Variants in TST observed in about 807,000 individuals in gnomAD.
TST encodes thiosulfate sulfurtransferase, also known as epididymis secretory sperm binding protein.
TST carries 22 observed loss-of-function variants against 20.4 expected under a neutral mutation model. The observed-to-expected ratio is 1.08, with a 90% CI of 0.77 to 1.54. The LOEUF (loss-of-function observed/expected upper bound fraction) is 1.54, where lower values mean the gene tolerates loss of function less well. TST is among the 40% of genes most tolerant of loss of function. The pLI is 0.00. For missense variants in TST, 392 were observed against 405.2 expected (o/e 0.97, Z 0.28); for synonymous variants, 187 against 173.8 (o/e 1.08, Z -0.60).
At chr22:37,013,643 G>A (rs1290884367) in intron 2 of TST, among the ~76,000 whole-genome samples, 2 of 152,100 alleles carry the variant, frequency 1.3e-5, no homozygotes, top group African/African-American at 2.4e-5. Flanking sequence ...TGCATATAAC[G>A]TATAAAATTA....
Position 37,018,570 on chromosome 22 carries a change from C to G in TST, c.163G>C (p.Gly55Arg). 1.3e-6 allele frequency: 2 copies of G among 1,564,080 alleles called. No homozygotes were observed. The highest frequency in any genetic ancestry group is 1.7e-6 in the Non-Finnish European group (2 of 1,154,386). The change falls in exon 2 of 3, where the codon GGC becomes CGC. Residue 55 changes from glycine (G) to arginine (R), a missense_variant. By Grantham distance (125) the Gly-to-Arg change is moderately radical (BLOSUM62 -2). Transcript: ENST00000249042. ...RKEYLERHVP[G>R]ASFFDIEECR... ...TCTTCTATGTCAAAGAAAGAGGCGCCGGGTACGTGGCGCTCGAGGTACTCC... is the reference window on the plus strand; with the variant it reads ...TCTTCTATGTCAAAGAAAGAGGCGCGGGGTACGTGGCGCTCGAGGTACTCC...
chr22:37,018,492 A>C lies in TST; in HGVS notation c.241T>G (p.Phe81Val), dbSNP rs752292486. The C allele has an allele frequency of 2.5e-6, 4 of 1,607,632 alleles. No homozygotes were observed. The South Asian group carries it at 4.4e-5, about 18-fold the overall frequency. Residue 81 changes from phenylalanine (F) to valine (V), a missense_variant, in exon 2 of 3, where the codon TTC (phenylalanine) becomes GTC (valine). Physicochemically the swap from Phe to Val is conservative, Grantham distance 50. Coordinates refer to ENST00000249042, the MANE Select transcript of TST (RefSeq NM_003312.6). ...YEMMLPSEAG[F>V]AEYVGRLGIS... ...CCCAGGCGGCCCACATACTCGGCGA[A>C]GCCAGCCTCGCTGGGCAGCATCATC...
Position 37,011,284 on chromosome 22 carries a change from A to G in TST, c.637T>C (p.Phe213Leu). 1.2e-6 allele frequency: 2 copies of G among 1,613,874 alleles called. No homozygotes were observed. The highest frequency in any genetic ancestry group is 1.7e-6 in the Non-Finnish European group (2 of 1,179,942). Residue 213 changes from phenylalanine (F) to leucine (L), a missense_variant, in exon 3 of 3, where the codon TTC (phenylalanine) becomes CTC (leucine). By Grantham distance (22) the Phe-to-Leu change is conservative. Transcript: ENST00000249042. ...GHIRGAVNMP[F>L]MDFLTEDGFE... ...CCATCCTCAGTCAGGAAGTCCATGAAAGGCATGTTGACGGCACCACGGATA... is the reference window on the plus strand; with the variant it reads ...CCATCCTCAGTCAGGAAGTCCATGAGAGGCATGTTGACGGCACCACGGATA...
At chr22:37,012,974 G>A (rs557728682) in intron 2 of TST, among the ~76,000 whole-genome samples, 17 of 152,142 alleles carry the variant, frequency 1.1e-4, no homozygotes, top group African/African-American at 2.6e-4. Flanking sequence ...CCTGTGAGGC[G>A]GAGGTTGCAG....
At chr22:37,016,926 G>A (rs5750370) in intron 2 of TST, among the ~76,000 whole-genome samples, 40,693 of 152,196 alleles carry the variant, frequency 0.27, 5,962 homozygotes, top group East Asian at 0.57. Flanking sequence ...TGAGGTCACC[G>A]TTCAGGCCCT....
upstream of TST, chr22:37,019,870 C>A: frequency 8.2e-7 from 1 of 1,217,688 alleles, no homozygotes. Context: ...GTCCGAGACC[C>A]GGGTAACTGC....
chr22:37,019,762 T>C (rs1922906098), upstream of TST: 1 of 639,016 alleles, frequency 1.6e-6, no homozygotes, highest in East Asian at 3.5e-5. Flanking sequence ...CTCCTCCCTT[T>C]GGTCCGCTGC....
chr22:37,016,225 G>T (rs577064278), intron 2 of TST, among the ~76,000 whole-genome samples: 1 of 151,870 alleles, frequency 6.6e-6, no homozygotes, highest in Non-Finnish European at 1.5e-5. Context: ...GATTACAGGC[G>T]TGAGCCACCA....
At position 37,010,974 on chromosome 22, in the gene TST, G is replaced by A. The variant is rs1248174302; in HGVS notation, c.*53C>T. 3 of 1,567,392 alleles carry A rather than the reference G, an allele frequency of 1.9e-6. No individual in the cohort carries two copies. Among genetic ancestry groups the A allele is most frequent in the Admixed American group, 3.5e-5 (2 of 57,318 alleles). On this transcript the variant is annotated 3_prime_UTR_variant, in exon 3 of 3. Transcript: ENST00000249042. ...CCTAAGAGGTAAGAACCGGCTGTAA[G>A]TCATGGGGTCACTAAACCGGCCGCA...
intron 2 of TST, among the ~76,000 whole-genome samples, chr22:37,012,352 G>A (rs1368620665): frequency 6.6e-6 from 1 of 152,212 alleles, no homozygotes. Flanking sequence ...TCTGGCTTCA[G>A]AAGAGCCAGG....
chr22:37,015,585 C>T (rs1922647585), intron 2 of TST, among the ~76,000 whole-genome samples: 1 of 152,252 alleles, frequency 6.6e-6, no homozygotes, highest in Non-Finnish European at 1.5e-5. Flanking sequence ...AAGGCGCTTG[C>T]CTAAGGTGAG....
At chr22:37,016,654 C>T (rs964735078) in intron 2 of TST, among the ~76,000 whole-genome samples, 3 of 152,114 alleles carry the variant, frequency 2.0e-5, no homozygotes, top group African/African-American at 7.2e-5. Flanking sequence ...CCCATGACAG[C>T]TTAAATCCCA....
intron 2 of TST, 31 bp downstream of exon 2, chr22:37,018,107 C>T (rs1375094171): frequency 4.0e-6 from 6 of 1,493,810 alleles, no homozygotes; most frequent in Admixed American, 2.2e-5. Context: ...GGCAATACTC[C>T]CCAGGGACCA....
chr22:37,017,822 A>C lies in TST; in HGVS notation c.595+316T>G, dbSNP rs529620951. The stretch of plus-strand genomic sequence containing the variant: ...TCAGGGGCATGACACCCTTAGGTAT[A>C]TCCTAGTACATGTGGGGCAGCTGGT... On this transcript the variant is annotated intron_variant, in intron 2 of 2. Transcript: ENST00000249042. Among the ~76,000 whole-genome samples, 59 of 152,266 alleles carry C rather than the reference A, an allele frequency of 3.9e-4. 1 individual carries two copies. Among genetic ancestry groups the C allele is most frequent in the African/African-American group, 1.4e-3 (58 of 41,540 alleles).
chr22:37,014,737 C>A (rs1334424510), intron 2 of TST, among the ~76,000 whole-genome samples: 1 of 152,216 alleles, frequency 6.6e-6, no homozygotes, highest in Non-Finnish European at 1.5e-5. Flanking sequence ...GAAAAGGAGA[C>A]TGAGGCTGGG....
chr22:37,010,940 T>C lies in TST; in HGVS notation c.*87A>G, dbSNP rs2145893147. On this transcript the variant is annotated 3_prime_UTR_variant, in exon 3 of 3. Transcript: ENST00000249042. ...GCACAGCAATTCTAAAAACATGTCA[T>C]CTCCTTCACCTAAGAGGTAAGAACC... 1.3e-6 allele frequency: 2 copies of C among 1,504,016 alleles called. No individual in the cohort carries two copies. The highest frequency in any genetic ancestry group is 2.3e-5 in the East Asian group (1 of 43,960). 93.2% of individuals were successfully genotyped at this position (1,504,016 alleles called of 1,614,324 possible). A position where few individuals can be genotyped will look rare whatever the true frequency, so the allele number is the denominator to read the frequency against.
At chr22:37,014,197 C>T (rs1415974953) in intron 2 of TST, among the ~76,000 whole-genome samples, 3 of 152,138 alleles carry the variant, frequency 2.0e-5, no homozygotes, top group Non-Finnish European at 4.4e-5. Flanking sequence ...CCCGTCTCTA[C>T]TAAAAACACA....
At chr22:37,014,768 T>C (rs1268201031) in intron 2 of TST, among the ~76,000 whole-genome samples, 1 of 152,216 alleles carries the variant, frequency 6.6e-6, no homozygotes, top group Non-Finnish European at 1.5e-5. Context: ...GATGACCTCT[T>C]GTACTCAACT....
At chr22:37,013,464 G>C (rs1157248673) in intron 2 of TST, 1 of 151,954 alleles carries the variant, frequency 6.6e-6, no homozygotes, top group Non-Finnish European at 1.5e-5. Context: ...AATGAGCCAG[G>C]CATGGTGGCA....
Sources: gnomAD v4.1 joint callset for allele counts (sites outside exome capture counted in the v4.1 genomes callset) on GRCh38, gnomAD v4.1.1 for gene constraint, MANE v1.5 for transcripts, NCBI Gene and HGNC (gene_info 2026-07-23, HGNC 2026-07-21) for gene names.